Variants in GRM7 observed in about 807,000 individuals in gnomAD.
GRM7 encodes the protein metabotropic glutamate receptor 7.
GRM7 carries 35 observed loss-of-function variants against 84.5 expected under a neutral mutation model. The observed-to-expected ratio is 0.41, with a 90% CI of 0.32 to 0.55. The LOEUF is 0.55. Ranked by LOEUF, GRM7 falls within the 20% of genes least tolerant of loss-of-function variation. GRM7 has a pLI of 0.19. For synonymous variants in GRM7, 487 were observed against 455.1 expected (o/e 1.07, Z -0.89); for missense variants, 1,003 against 1,194.6 (o/e 0.84, Z 2.36).
At chr3:7,550,563 CTCTCTCTCTCTCTCTGTGTG>C (rs1193906878) in intron 7 of GRM7, among the ~76,000 whole-genome samples, 1 of 94,908 alleles carries the variant, frequency 1.1e-5, no homozygotes, top group Non-Finnish European at 2.4e-5. Context: ...CTCTCTCTCT[CTCTCTCTCTCTCTCTGTGTG>C]TGTGTGTGTG....
intron 1 of GRM7, among the ~76,000 whole-genome samples, chr3:7,070,739 T>C (rs890589251): frequency 9.2e-5 from 14 of 151,560 alleles, no homozygotes; most frequent in African/African-American, 2.7e-4. Flanking sequence ...CATTTTTTTC[T>C]TTATCTTTGT....
intron 8 of GRM7, among the ~76,000 whole-genome samples, chr3:7,673,631 A>C (rs920625608): frequency 2.0e-5 from 3 of 152,194 alleles, no homozygotes; most frequent in Admixed American, 6.5e-5. Flanking sequence ...ACCTGATAAA[A>C]AGTGACCTGA....
At chr3:6,955,305 G>A (rs1221473709) in intron 1 of GRM7, among the ~76,000 whole-genome samples, 7 of 152,188 alleles carry the variant, frequency 4.6e-5, no homozygotes, top group Non-Finnish European at 1.0e-4. Flanking sequence ...GGAGGCCGAT[G>A]CGGGCAGATC....
intron 7 of GRM7, among the ~76,000 whole-genome samples, chr3:7,550,068 T>C (rs1693375410): frequency 6.6e-6 from 1 of 152,068 alleles, no homozygotes; most frequent in African/African-American, 2.4e-5. Context: ...TAAAGTATAG[T>C]GTAATATAGT....
intron 8 of GRM7, among the ~76,000 whole-genome samples, chr3:7,594,656 C>A (rs1695950346): frequency 1.3e-5 from 2 of 152,176 alleles, no homozygotes; most frequent in South Asian, 4.2e-4. Flanking sequence ...ATTCTGGAAA[C>A]CCATCAGAAG....
At chr3:7,092,333 T>C (rs1698694654) in intron 1 of GRM7, among the ~76,000 whole-genome samples, 3 of 151,726 alleles carry the variant, frequency 2.0e-5, no homozygotes, top group African/African-American at 7.2e-5. Flanking sequence ...ACATTTCTTA[T>C]TTTATCCATT....
At chr3:7,104,271 A>G (rs936355852) in intron 1 of GRM7, among the ~76,000 whole-genome samples, 2 of 151,666 alleles carry the variant, frequency 1.3e-5, no homozygotes, top group Non-Finnish European at 2.9e-5. Flanking sequence ...ATGTGAGGAA[A>G]GACCAAAAAG....
intron 4 of GRM7, among the ~76,000 whole-genome samples, chr3:7,397,125 A>G (rs759168405): frequency 4.6e-5 from 7 of 152,132 alleles, no homozygotes; most frequent in Non-Finnish European, 8.8e-5. Context: ...TTAATAATGG[A>G]AAGAGTTTGA....
At chr3:7,088,367 C>G (rs2125005460) in intron 1 of GRM7, among the ~76,000 whole-genome samples, 2 of 152,122 alleles carry the variant, frequency 1.3e-5, no homozygotes, top group South Asian at 4.1e-4. Flanking sequence ...ATCTTCCAAT[C>G]AAAACATCTG....
chr3:7,432,557 G>A (rs1005284939), intron 5 of GRM7, among the ~76,000 whole-genome samples: 3 of 151,756 alleles, frequency 2.0e-5, no homozygotes, highest in African/African-American at 7.3e-5. Flanking sequence ...CCTAACCTCA[G>A]GCAATCTTCC....
rs1438498517 is a variant in GRM7, at chr3:7,375,374, A to G, written c.1034-39649A>G. Among the ~76,000 whole-genome samples the G allele has an allele frequency of 2.6e-5, 4 of 151,952 alleles. No individual in the cohort carries two copies. The East Asian group carries it at 7.8e-4, about 30-fold the overall frequency. On this transcript the variant is annotated intron_variant, in intron 4 of 9. Transcript: ENST00000357716. ...GCTGGGACTACAGGCGTGCGCTTCCATGCCCCGCTAATTTTTGTATTTTTT... is the reference window on the plus strand; with the variant it reads ...GCTGGGACTACAGGCGTGCGCTTCCGTGCCCCGCTAATTTTTGTATTTTTT...
At chr3:7,108,855 T>A (rs184363465) in intron 1 of GRM7, among the ~76,000 whole-genome samples, 24 of 152,258 alleles carry the variant, frequency 1.6e-4, no homozygotes, top group Non-Finnish European at 2.6e-4. Flanking sequence ...TCAATGCAGA[T>A]AAAGTTTCCA....
chr3:7,061,588 A>G (rs1486076285), intron 1 of GRM7, among the ~76,000 whole-genome samples: 3 of 151,762 alleles, frequency 2.0e-5, no homozygotes, highest in Admixed American at 6.6e-5. Flanking sequence ...TTTTGGGAAC[A>G]ACTAGGCATA....
At chr3:7,310,814 G>C (rs986565864) in intron 4 of GRM7, among the ~76,000 whole-genome samples, 1 of 152,016 alleles carries the variant, frequency 6.6e-6, no homozygotes, top group Non-Finnish European at 1.5e-5. Flanking sequence ...TATGGTTTCT[G>C]AGTTATACCC....
chr3:7,570,131 T>C (rs1482950334), intron 7 of GRM7, among the ~76,000 whole-genome samples: 2 of 152,116 alleles, frequency 1.3e-5, no homozygotes, highest in South Asian at 2.1e-4. Context: ...CACATGGAAA[T>C]TGTGGGGTTT....
At chr3:7,400,553 A>T (rs1435917450) in intron 4 of GRM7, among the ~76,000 whole-genome samples, 1 of 151,950 alleles carries the variant, frequency 6.6e-6, no homozygotes, top group African/African-American at 2.4e-5. Context: ...TGATACAACC[A>T]CCTCACCCTT....
intron 1 of GRM7, among the ~76,000 whole-genome samples, chr3:7,144,619 G>A (rs1694051337): frequency 6.6e-6 from 1 of 152,124 alleles, no homozygotes; most frequent in Non-Finnish European, 1.5e-5. Context: ...GCACTCCTCT[G>A]TTCCAGGCAT....
intron 1 of GRM7, among the ~76,000 whole-genome samples, chr3:6,975,766 A>C (rs1327193803): frequency 6.6e-6 from 1 of 152,188 alleles, no homozygotes; most frequent in Non-Finnish European, 1.5e-5. Flanking sequence ...GAAGGTTCAC[A>C]ACCCACAAAT....
chr3:7,388,886 C>T, intron 4 of GRM7, among the ~76,000 whole-genome samples: 1 of 151,928 alleles, frequency 6.6e-6, no homozygotes, highest in East Asian at 1.9e-4. Flanking sequence ...ATTTAGTTCT[C>T]TTCTGATGGT....
Sources: gnomAD v4.1 joint callset for allele counts (sites outside exome capture counted in the v4.1 genomes callset) on GRCh38, gnomAD v4.1.1 for gene constraint, MANE v1.5 for transcripts, NCBI Gene and HGNC (gene_info 2026-07-23, HGNC 2026-07-21) for gene names.